Variants in MEGF10 observed in about 807,000 individuals in gnomAD.
MEGF10 encodes the protein multiple epidermal growth factor-like domains protein 10.
A neutral mutation model predicts 147.5 loss-of-function variants in MEGF10; 86 were observed. The observed-to-expected ratio is 0.58, with a 90% CI of 0.49 to 0.70. MEGF10 has a LOEUF of 0.70. Among genes scored for constraint, MEGF10 ranks in the 30% least tolerant of loss-of-function variants. The pLI is 0.00. For missense variants in MEGF10, 1,329 were observed against 1,487.3 expected (o/e 0.89, Z 1.75); for synonymous variants, 478 against 525.5 (o/e 0.91, Z 1.24).
At chr5:127,272,763 T>G in the MEGF10 span, among the ~76,000 whole-genome samples, 1 of 152,230 alleles carries the variant, frequency 6.6e-6, no homozygotes, top group East Asian at 1.9e-4. Flanking sequence ...GCTAGCGATT[T>G]TTGCACACTG....
At chr5:127,360,820 A>G (rs1341568465) in intron 4 of MEGF10, among the ~76,000 whole-genome samples, 1 of 151,796 alleles carries the variant, frequency 6.6e-6, no homozygotes, top group Non-Finnish European at 1.5e-5. Flanking sequence ...GGTTATATAT[A>G]TATGTATGAA....
rs1292213415 is a variant in MEGF10 at position 127,417,659 on chromosome 5, G to C, written c.1152G>C (p.Glu384Asp). 1.2e-6 allele frequency: 2 copies of C among 1,614,186 alleles called. No homozygotes were observed. The highest frequency in any genetic ancestry group is 2.2e-5 in the East Asian group (1 of 44,872). Reference protein sequence around the residue: ...NTHSCHPMSGECACKPGWSGL... With the variant: ...NTHSCHPMSGDCACKPGWSGL... ...TCAGCTGTCACCCCATGTCTGGAGA[G>C]TGTGCCTGCAAGCCGGGCTGGTCAG... Residue 384 changes from glutamate to aspartate, a missense_variant, in exon 10 of 25, where the codon GAG (glutamate) becomes GAC (aspartate). Physicochemically the swap from Glu to Asp is conservative, Grantham distance 45. Coordinates refer to ENST00000503335, the MANE Select transcript of MEGF10 (RefSeq NM_001256545.2).
chr5:127,247,196 A>G, the MEGF10 span, among the ~76,000 whole-genome samples: 8 of 145,788 alleles, frequency 5.5e-5, no homozygotes, highest in African/African-American at 2.0e-4. Context: ...TTTTAGACAA[A>G]ACAAATTTTA....
chr5:127,449,865 T>C (rs1766090213), intron 22 of MEGF10, among the ~76,000 whole-genome samples: 2 of 152,232 alleles, frequency 1.3e-5, no homozygotes. Context: ...TATATCTATT[T>C]ATATTTACCA....
chr5:127,304,288 T>C (rs150468433), intron 1 of MEGF10, among the ~76,000 whole-genome samples: 126 of 152,288 alleles, frequency 8.3e-4, no homozygotes, highest in African/African-American at 2.9e-3. Context: ...TGAAGCATCC[T>C]GGCCTGAGAG....
intron 5 of MEGF10, among the ~76,000 whole-genome samples, chr5:127,378,992 A>C (rs1763142555): frequency 6.6e-6 from 1 of 151,656 alleles, no homozygotes; most frequent in Non-Finnish European, 1.5e-5. Flanking sequence ...TAGTGAGTTC[A>C]TGCAGTGGCT....
chr5:127,310,823 G>A (rs1316142569), intron 1 of MEGF10, among the ~76,000 whole-genome samples: 2 of 152,202 alleles, frequency 1.3e-5, no homozygotes, highest in Non-Finnish European at 1.5e-5. Flanking sequence ...GGGCATATGA[G>A]TGGGTTCTTT....
At chr5:127,231,415 CTCTT>C in the MEGF10 span, among the ~76,000 whole-genome samples, 1 of 152,210 alleles carries the variant, frequency 6.6e-6, no homozygotes, top group East Asian at 1.9e-4. Flanking sequence ...GCCGGAAACA[CTCTT>C]TCTTGGAATC....
At chr5:127,451,780 A>G (rs747226756) in intron 22 of MEGF10, among the ~76,000 whole-genome samples, 64 of 152,222 alleles carry the variant, frequency 4.2e-4, no homozygotes, top group Non-Finnish European at 4.1e-4. Flanking sequence ...GTTCTCACTC[A>G]GGAATAATTC....
intron 1 of MEGF10, among the ~76,000 whole-genome samples, chr5:127,293,102 CTT>C (rs1375613380): frequency 2.0e-5 from 3 of 152,172 alleles, no homozygotes; most frequent in African/African-American, 7.2e-5. Context: ...TATGTATAAA[CTT>C]GTGTTGAGAG....
intron 6 of MEGF10, among the ~76,000 whole-genome samples, chr5:127,398,230 A>C (rs1763995953): frequency 6.6e-6 from 1 of 152,128 alleles, no homozygotes; most frequent in South Asian, 2.1e-4. Flanking sequence ...CTTAAAGTAA[A>C]ATTTTAAAAA....
chr5:127,290,551 G>T (rs751047493), upstream of MEGF10, among the ~76,000 whole-genome samples: 37 of 152,164 alleles, frequency 2.4e-4, no homozygotes, highest in Admixed American at 6.5e-5. Context: ...CTAACTTCGC[G>T]ACCAGGCCTT....
upstream of MEGF10, among the ~76,000 whole-genome samples, chr5:127,288,932 G>A (rs1021855204): frequency 1.3e-5 from 2 of 152,200 alleles, no homozygotes; most frequent in African/African-American, 4.8e-5. Context: ...CAACATTAAT[G>A]AGTTTCAAAA....
At chr5:127,373,606 G>A (rs1762923433) in intron 5 of MEGF10, among the ~76,000 whole-genome samples, 1 of 152,146 alleles carries the variant, frequency 6.6e-6, no homozygotes, top group Admixed American at 6.5e-5. Context: ...TTATTGTAGA[G>A]TGGTATTTAT....
chr5:127,274,289 G>A, the MEGF10 span, among the ~76,000 whole-genome samples: 1 of 152,056 alleles, frequency 6.6e-6, no homozygotes, highest in African/African-American at 2.4e-5. Context: ...TGATCTGAAC[G>A]GAAATAATTT....
At chr5:127,365,409 A>G (rs1347661260) in intron 4 of MEGF10, among the ~76,000 whole-genome samples, 2 of 152,202 alleles carry the variant, frequency 1.3e-5, no homozygotes, top group Non-Finnish European at 2.9e-5. Context: ...GGCTCTCAGT[A>G]TTAAAGCCAA....
the MEGF10 span, among the ~76,000 whole-genome samples, chr5:127,246,990 AT>A: frequency 7.6e-6 from 1 of 131,538 alleles, no homozygotes. Flanking sequence ...AAAAGAATAT[AT>A]ATATATATAT....
At chr5:127,230,325 T>C in the MEGF10 span, among the ~76,000 whole-genome samples, 1 of 152,114 alleles carries the variant, frequency 6.6e-6, no homozygotes, top group Admixed American at 6.5e-5. Context: ...AAAATTAAGC[T>C]CCGATATTAA....
intron 8 of MEGF10, 56 bp from the exon 9 acceptor site, chr5:127,410,333 T>C (rs1764505306): frequency 3.2e-6 from 5 of 1,543,018 alleles, no homozygotes; most frequent in Non-Finnish European, 4.5e-6. Flanking sequence ...ATTAACTGTT[T>C]ATTTTCACAT....
Sources: gnomAD v4.1 joint callset for allele counts (sites outside exome capture counted in the v4.1 genomes callset) on GRCh38, gnomAD v4.1.1 for gene constraint, MANE v1.5 for transcripts, NCBI Gene and HGNC (gene_info 2026-07-23, HGNC 2026-07-21) for gene names.